COL4A6: variants seen among roughly 807,000 people sequenced by gnomAD.
The protein encoded by COL4A6 is collagen type IV alpha 6 chain, also known as collagen alpha-6(IV) chain.
In COL4A6, 59 loss-of-function variants were observed where a neutral mutation model predicts 126.7. That is an observed-to-expected ratio of 0.47 (90% CI 0.38 to 0.58). The LOEUF is 0.58. COL4A6 is among the 20% of genes least tolerant of loss of function. The pLI is 0.00. For synonymous variants in COL4A6, 547 were observed against 496.6 expected (o/e 1.10, Z -1.35); for missense variants, 1,285 against 1,337.3 (o/e 0.96, Z 0.61).
intron 2 of COL4A6, among the ~76,000 whole-genome samples, 168 bp from the exon 3 acceptor site, chrX:108,310,996 C>A (rs1273295881): frequency 8.9e-6 from 1 of 112,301 alleles, no homozygotes; most frequent in Non-Finnish European, 1.9e-5. Flanking sequence ...AGCTAGCATC[C>A]TTTTAGTTCA....
intron 22 of COL4A6, 100 bp downstream of exon 22, chrX:108,187,748 T>C: frequency 1.2e-6 from 1 of 868,959 alleles, no homozygotes; most frequent in Non-Finnish European, 1.6e-6. Context: ...TCCTCTAGAC[T>C]CTGTTCTTCC....
At chrX:108,416,727 C>G (rs1041373449) in intron 2 of COL4A6, among the ~76,000 whole-genome samples, 2 of 112,002 alleles carry the variant, frequency 1.8e-5, no homozygotes, top group Non-Finnish European at 3.8e-5. Flanking sequence ...TCTTTTAGCT[C>G]TTTATCCATT....
chrX:108,311,799 A>G (rs994316427), intron 2 of COL4A6, among the ~76,000 whole-genome samples: 2 of 111,796 alleles, frequency 1.8e-5, no homozygotes, highest in African/African-American at 6.5e-5. Flanking sequence ...TGTAAGCTTC[A>G]TGTAAGTAGG....
intron 3 of COL4A6, among the ~76,000 whole-genome samples, chrX:108,271,259 G>C (rs752920603): frequency 1.3e-4 from 15 of 111,409 alleles, no homozygotes; most frequent in Admixed American, 3.8e-4. Flanking sequence ...ATAAACTCTT[G>C]ATGGAAAGCA....
At chrX:108,402,883 T>C (rs1455007057) in intron 2 of COL4A6, among the ~76,000 whole-genome samples, 1 of 111,234 alleles carries the variant, frequency 9.0e-6, no homozygotes, top group Non-Finnish European at 1.9e-5. Flanking sequence ...GTATGTTCCA[T>C]GTCTGCTAGA....
intron 2 of COL4A6, among the ~76,000 whole-genome samples, chrX:108,387,910 G>C (rs1333303991): frequency 8.9e-6 from 1 of 111,823 alleles, no homozygotes. Context: ...AGTTCATTGA[G>C]AGTTTTTAGC....
At chrX:108,343,164 T>G (rs200402554) in intron 2 of COL4A6, among the ~76,000 whole-genome samples, 334 of 27,210 alleles carry the variant, frequency 0.012, 2 homozygotes, top group Middle Eastern at 0.028. Flanking sequence ...TATATATATA[T>G]AGTGTGTGTG....
intron 2 of COL4A6, among the ~76,000 whole-genome samples, chrX:108,373,324 CT>C (rs1381632670): frequency 4.5e-5 from 5 of 111,993 alleles, no homozygotes; most frequent in Non-Finnish European, 7.5e-5. Flanking sequence ...GCCGTGAGGT[CT>C]ACTGAAAACT....
rs1182233642 is a variant in COL4A6, at chrX:108,157,271, C to G, written c.4813-11G>C. 1 of 1,204,067 alleles carries G rather than the reference C, an allele frequency of 8.3e-7. No homozygotes were observed. The stretch of plus-strand genomic sequence containing the variant: ...ACCAGCGGCAGTGTGCTGAAACAGA[C>G]AGGAGATTAGTGCATGAGCTGTGCC... On this transcript the variant is annotated splice_polypyrimidine_tract_variant and intron_variant, in intron 44 of 44. Transcript: ENST00000334504.
intron 43 of COL4A6, 105 bp from the exon 44 acceptor site, chrX:108,159,853 G>A (rs1461277000): frequency 3.5e-6 from 3 of 863,334 alleles, no homozygotes; most frequent in Non-Finnish European, 5.2e-6. Context: ...GACTGAGGCA[G>A]CCCTCTCCTT....
chrX:108,350,713 C>A (rs111251736), intron 2 of COL4A6, among the ~76,000 whole-genome samples: 1 of 111,386 alleles, frequency 9.0e-6, no homozygotes, highest in Admixed American at 9.6e-5. Flanking sequence ...TCTTGCGGAA[C>A]GCTGACTTTC....
intron 3 of COL4A6, among the ~76,000 whole-genome samples, chrX:108,284,543 CA>C (rs1257767570): frequency 2.7e-5 from 3 of 111,865 alleles, no homozygotes; most frequent in African/African-American, 9.7e-5. Flanking sequence ...TAAAACAAAA[CA>C]AAACAAACTA....
At chrX:108,261,567 T>C (rs1447301328) in intron 3 of COL4A6, among the ~76,000 whole-genome samples, 2 of 111,504 alleles carry the variant, frequency 1.8e-5, no homozygotes, top group Non-Finnish European at 3.8e-5. Flanking sequence ...ATCCTGGTTA[T>C]ATACATAGAG....
At chrX:108,243,992 G>T (rs1017848130) in intron 3 of COL4A6, among the ~76,000 whole-genome samples, 7 of 111,915 alleles carry the variant, frequency 6.3e-5, no homozygotes, top group African/African-American at 2.3e-4. Context: ...GTTCTCTTCA[G>T]GAGAAACACT....
chrX:108,159,937 A>T (rs2033867576), intron 43 of COL4A6, 189 bp from the exon 44 acceptor site: 1 of 517,228 alleles, frequency 1.9e-6, no homozygotes, highest in South Asian at 2.6e-5. Flanking sequence ...GGGAAATTTG[A>T]TAATAACAAG....
At chrX:108,355,017 T>C (rs777924245) in intron 2 of COL4A6, among the ~76,000 whole-genome samples, 1 of 111,819 alleles carries the variant, frequency 8.9e-6, no homozygotes, top group Non-Finnish European at 1.9e-5. Flanking sequence ...GAAGGTTCAT[T>C]CACAGGGTGG....
chrX:108,203,599 C>T (rs2035454335), intron 12 of COL4A6, among the ~76,000 whole-genome samples: 1 of 112,315 alleles, frequency 8.9e-6, no homozygotes, highest in Non-Finnish European at 1.9e-5. Context: ...AACACATTTC[C>T]CTGCCTAGGC....
In COL4A6 at chrX:108,158,949, C is replaced by A. The variant is rs191978907; in HGVS notation, c.4812+513G>T. Among the ~76,000 whole-genome samples, 899 of 112,338 alleles carry A rather than the reference C, an allele frequency of 8.0e-3. 30 individuals are homozygous for A. Among genetic ancestry groups the A allele is most frequent in the Admixed American group, 0.078 (831 of 10,657 alleles). On this transcript the variant is annotated intron_variant, in intron 44 of 44. Coordinates refer to ENST00000334504, the MANE Select transcript of COL4A6 (RefSeq NM_033641.4). Reference sequence around the variant, plus strand: ...GCATGGCTGGCCGCTGCCTTCACACCGAAATGGAGAGGCAGCAAAAATACC... The same window carrying A: ...GCATGGCTGGCCGCTGCCTTCACACAGAAATGGAGAGGCAGCAAAAATACC...
intron 3 of COL4A6, among the ~76,000 whole-genome samples, chrX:108,238,742 G>T (rs1378602292): frequency 9.1e-6 from 1 of 109,993 alleles, no homozygotes; most frequent in East Asian, 2.8e-4. Flanking sequence ...TCTGGGTATA[G>T]GAATACATGG....
Sources: gnomAD v4.1 joint callset for allele counts (sites outside exome capture counted in the v4.1 genomes callset) on GRCh38, gnomAD v4.1.1 for gene constraint, MANE v1.5 for transcripts, NCBI Gene and HGNC (gene_info 2026-07-23, HGNC 2026-07-21) for gene names.